RBPJ: variants seen among roughly 807,000 people sequenced by gnomAD.
The protein encoded by RBPJ is recombination signal binding protein for immunoglobulin kappa J region.
In RBPJ, 9 loss-of-function variants were observed where a neutral mutation model predicts 67.8. The observed-to-expected ratio is 0.13, with a 90% CI of 0.08 to 0.23. The LOEUF (loss-of-function observed/expected upper bound fraction) is 0.23. Among genes scored for constraint, RBPJ ranks in the 10% least tolerant of loss-of-function variants. The pLI is 1.00. For missense variants in RBPJ, 305 were observed against 595.6 expected, an observed-to-expected ratio of 0.51 and a Z score of 5.08; for synonymous variants, 198 against 203.3, an observed-to-expected ratio of 0.97 and a Z score of 0.22.
At chr4:26,126,709 G>T in the RBPJ span, among the ~76,000 whole-genome samples, 8 of 152,334 alleles carry the variant, frequency 5.3e-5, no homozygotes, top group East Asian at 1.3e-3. Flanking sequence ...CATTGGTTCT[G>T]TGGGTTGTGG....
chr4:26,111,031 TC>T, the RBPJ span, among the ~76,000 whole-genome samples: 1 of 152,190 alleles, frequency 6.6e-6, no homozygotes, highest in Non-Finnish European at 1.5e-5. Flanking sequence ...CAAGGTAGAA[TC>T]CCTCTTCCCC....
At chr4:26,235,548 C>T (rs2109211194) in intron 1 of RBPJ, among the ~76,000 whole-genome samples, 1 of 152,296 alleles carries the variant, frequency 6.6e-6, no homozygotes, top group South Asian at 2.1e-4. Flanking sequence ...CCATGATCAT[C>T]TTTGGTGATG....
chr4:26,231,168 C>T (rs573058386), intron 1 of RBPJ, among the ~76,000 whole-genome samples: 13 of 152,214 alleles, frequency 8.5e-5, no homozygotes, highest in Non-Finnish European at 1.3e-4. Flanking sequence ...GTCTTACACT[C>T]AAAAGAGCCA....
chr4:26,305,771 C>CTTTTTT (rs71276617), intron 1 of RBPJ, among the ~76,000 whole-genome samples: 5,036 of 68,034 alleles, frequency 0.074, 39 homozygotes, highest in Middle Eastern at 0.11. Context: ...ATTTTCTTTT[C>CTTTTTT]TTTTTTTTTT....
chr4:26,219,639 C>A (rs1718834703), intron 1 of RBPJ, among the ~76,000 whole-genome samples: 1 of 152,140 alleles, frequency 6.6e-6, no homozygotes, highest in Non-Finnish European at 1.5e-5. Flanking sequence ...ATATCTGAAC[C>A]CCTTTAATAC....
In RBPJ at chr4:26,201,151, C is replaced by T. The variant is rs1442690336; in HGVS notation, c.-167+37537C>T. ...CACCAATAATGCACATACTATAAAG[C>T]TCCCCTCCACAAATGGGTTTCTTTC... On this transcript the variant is annotated intron_variant, in intron 1 of 4. Coordinates refer to the RBPJ transcript ENST00000512351. 2.6e-5 allele frequency among the ~76,000 whole-genome samples: 4 copies of T among 152,162 alleles called. No homozygotes were observed. The East Asian group carries it at 5.8e-4, about 22-fold the overall frequency.
intron 2 of RBPJ, among the ~76,000 whole-genome samples, chr4:26,400,900 A>G (rs932718624): frequency 1.9e-4 from 29 of 152,222 alleles, no homozygotes; most frequent in African/African-American, 6.3e-4. Flanking sequence ...CTTCCAATAA[A>G]TCTTCAGTGG....
intron 1 of RBPJ, among the ~76,000 whole-genome samples, chr4:26,225,928 G>C (rs896072361): frequency 6.6e-6 from 1 of 151,662 alleles, no homozygotes; most frequent in African/African-American, 2.4e-5. Flanking sequence ...TGGATAGATC[G>C]CCTGAGGTCA....
chr4:26,305,771 C>CTTTTTTTTTT (rs71276617), intron 1 of RBPJ, among the ~76,000 whole-genome samples: 1,150 of 67,744 alleles, frequency 0.017, 173 homozygotes, highest in East Asian at 0.071. Flanking sequence ...ATTTTCTTTT[C>CTTTTTTTTTT]TTTTTTTTTT....
intron 1 of RBPJ, among the ~76,000 whole-genome samples, chr4:26,367,290 C>T (rs1311873809): frequency 2.0e-5 from 3 of 152,046 alleles, no homozygotes; most frequent in Non-Finnish European, 4.4e-5. Flanking sequence ...CAAGACCAGC[C>T]TGGCCAACAT....
chr4:26,162,936 C>T (rs1217272309), upstream of RBPJ, among the ~76,000 whole-genome samples: 1 of 151,844 alleles, frequency 6.6e-6, no homozygotes, highest in African/African-American at 2.4e-5. Flanking sequence ...TTACAGAAGG[C>T]TGAGTCTCTG....
At chr4:26,234,859 ATTTTTGTATTTT>A (rs1719405443) in intron 1 of RBPJ, among the ~76,000 whole-genome samples, 2 of 151,796 alleles carry the variant, frequency 1.3e-5, no homozygotes. Flanking sequence ...CGCCCAGCTA[ATTTTTGTATTTT>A]TAGTAGAGAC....
the RBPJ span, among the ~76,000 whole-genome samples, chr4:26,140,867 A>AAATT: frequency 7.3e-5 from 11 of 151,570 alleles, no homozygotes; most frequent in Admixed American, 3.3e-4. Context: ...ATAAATAAAT[A>AAATT]AAATATTTGC....
At chr4:26,419,312 A>G (rs1009628705) in intron 4 of RBPJ, among the ~76,000 whole-genome samples, 2 of 152,094 alleles carry the variant, frequency 1.3e-5, no homozygotes, top group Non-Finnish European at 2.9e-5. Flanking sequence ...GCTTTATCTT[A>G]TTTTTGCCTT....
intron 1 of RBPJ, among the ~76,000 whole-genome samples, chr4:26,326,813 A>G (rs528638346): frequency 6.6e-6 from 1 of 152,304 alleles, no homozygotes; most frequent in Admixed American, 6.5e-5. Context: ...TTTCATCTTG[A>G]GCAGGGCTCA....
At chr4:26,360,328 C>T (rs1411203535) in intron 1 of RBPJ, among the ~76,000 whole-genome samples, 1 of 152,186 alleles carries the variant, frequency 6.6e-6, no homozygotes, top group Non-Finnish European at 1.5e-5. Flanking sequence ...TGTGTACCTA[C>T]TGTGTTTAAT....
At chr4:26,390,219 A>T (rs1731363137) in intron 2 of RBPJ, among the ~76,000 whole-genome samples, 1 of 152,232 alleles carries the variant, frequency 6.6e-6, no homozygotes, top group Non-Finnish European at 1.5e-5. Context: ...CATTTTTAAT[A>T]GAAATTCTCA....
rs1736324669 is a variant in RBPJ, at chr4:26,432,492, T to C, written c.*1485T>C. The C allele has an allele frequency of 6.6e-6, 1 of 152,222 alleles. No individual in the cohort carries two copies. Among genetic ancestry groups the C allele is most frequent in the Admixed American group, 6.5e-5 (1 of 15,280 alleles). 9.4% of individuals were successfully genotyped at this position (152,222 alleles called of 1,614,324 possible). A position where few individuals can be genotyped will look rare whatever the true frequency, so the allele number is the denominator to read the frequency against. On this transcript the variant is annotated 3_prime_UTR_variant, in exon 11 of 11. Transcript: ENST00000355476. Reference sequence around the variant, plus strand: ...CAGAAAATGTTTCTTTTCTTTTCAGTTGAGATTTGGTTGCATTCAGGGTTG... The same window carrying C: ...CAGAAAATGTTTCTTTTCTTTTCAGCTGAGATTTGGTTGCATTCAGGGTTG...
chr4:26,214,974 G>GGGAGGGAGGAAGGAT lies in RBPJ; in HGVS notation c.-167+51363_-167+51364insGGGAGGAAGGATGGA, dbSNP rs1560214221. Among the ~76,000 whole-genome samples the GGGAGGGAGGAAGGAT allele has an allele frequency of 1.2e-4, 2 of 17,254 alleles. 1 individual carries two copies. The highest frequency in any genetic ancestry group is 1.9e-4 in the Non-Finnish European group (2 of 10,778). The allele number at this position is 17,254 out of a possible 152,430, so 11.3% of individuals were successfully genotyped here. A position where few individuals can be genotyped will look rare whatever the true frequency, so the allele number is the denominator to read the frequency against. On this transcript the variant is annotated intron_variant, in intron 1 of 4. Transcript: ENST00000512351. Reference sequence around the variant, plus strand: ...ACGGAAGGAAGGAGGGAGGGAGGGAGGGAAGGAAGGAGGGAGGGAGGGAGG... The same window carrying GGGAGGGAGGAAGGAT: ...ACGGAAGGAAGGAGGGAGGGAGGGAGGGAGGGAGGAAGGATGGAAGGAAGGAGGGAGGGAGGGAGG...
Sources: gnomAD v4.1 joint callset for allele counts (sites outside exome capture counted in the v4.1 genomes callset) on GRCh38, gnomAD v4.1.1 for gene constraint, MANE v1.5 for transcripts, NCBI Gene and HGNC (gene_info 2026-07-23, HGNC 2026-07-21) for gene names.